The following ROBO2 variants were observed in gnomAD, a reference collection of about 807,000 sequenced individuals.
ROBO2 encodes the protein roundabout homolog 2.
ROBO2 carries 53 observed loss-of-function variants against 160.8 expected under a neutral mutation model. The ratio of observed to expected loss-of-function variants is 0.33; its 90% CI spans 0.26 to 0.41. The LOEUF (loss-of-function observed/expected upper bound fraction) is 0.41. Ranked by LOEUF, ROBO2 falls within the 10% of genes least tolerant of loss-of-function variation. The pLI, the probability that ROBO2 is intolerant of heterozygous loss-of-function variation, is 1.00. For synonymous variants in ROBO2, 664 were observed against 611.7 expected (o/e 1.09, Z -1.26); for missense variants, 1,577 against 1,722.4 (o/e 0.92, Z 1.49).
intron 2 of ROBO2, among the ~76,000 whole-genome samples, chr3:76,472,793 A>G (rs1179117834): frequency 1.3e-5 from 2 of 152,168 alleles, no homozygotes; most frequent in Non-Finnish European, 1.5e-5. Flanking sequence ...TTCAAGCAAA[A>G]TAGAGCTGGG....
chr3:77,209,120 T>C (rs1231182403), intron 2 of ROBO2, among the ~76,000 whole-genome samples: 1 of 152,210 alleles, frequency 6.6e-6, no homozygotes, highest in Non-Finnish European at 1.5e-5. Context: ...TCATCTATTA[T>C]CTATTAAAAA....
chr3:77,482,132 T>C (rs774216986), intron 4 of ROBO2, among the ~76,000 whole-genome samples: 2 of 152,160 alleles, frequency 1.3e-5, no homozygotes, highest in Non-Finnish European at 2.9e-5. Context: ...TGTGTATATA[T>C]ACAATCTTCA....
intron 14 of ROBO2, among the ~76,000 whole-genome samples, chr3:77,576,394 A>G (rs977229325): frequency 6.6e-6 from 1 of 152,160 alleles, no homozygotes; most frequent in Non-Finnish European, 1.5e-5. Flanking sequence ...TAAACCATGT[A>G]GAGCTATGTA....
intron 2 of ROBO2, among the ~76,000 whole-genome samples, chr3:76,591,528 T>C (rs2086417399): frequency 6.6e-6 from 1 of 152,166 alleles, no homozygotes; most frequent in Admixed American, 6.5e-5. Flanking sequence ...ATATTTTTCC[T>C]GTCCAATAAT....
chr3:76,434,497 A>G lies in ROBO2; in HGVS notation c.109+496895A>G, dbSNP rs182819700. ...ATGCTGCCATGTTTTATACAAACCG[A>G]GTCCTCAAAGAGTACAAAGATGTGG... On this transcript the variant is annotated intron_variant, in intron 2 of 26. Transcript: ENST00000487694. 464 of 1,556,432 alleles carry G rather than the reference A, an allele frequency of 3.0e-4. 1 individual carries two copies. In the African/African-American group the frequency reaches 5.5e-3, roughly 18 times the overall value.
chr3:76,522,776 A>G (rs531114324), intron 2 of ROBO2, among the ~76,000 whole-genome samples: 93 of 152,040 alleles, frequency 6.1e-4, no homozygotes, highest in African/African-American at 2.1e-3. Context: ...ATTGATTATC[A>G]ATTGTTTCTC....
chr3:77,217,575 C>T (rs2085152233), intron 2 of ROBO2, among the ~76,000 whole-genome samples: 1 of 152,156 alleles, frequency 6.6e-6, no homozygotes, highest in African/African-American at 2.4e-5. Flanking sequence ...GTCAATAGTT[C>T]TTTATTTTGT....
At chr3:76,335,866 G>A (rs976763801) in intron 2 of ROBO2, among the ~76,000 whole-genome samples, 3 of 152,124 alleles carry the variant, frequency 2.0e-5, no homozygotes, top group Non-Finnish European at 4.4e-5. Context: ...GTGAGCCACC[G>A]CGCCCGGCCT....
At chr3:76,783,528 T>C (rs78938621) in intron 2 of ROBO2, among the ~76,000 whole-genome samples, 1,530 of 150,064 alleles carry the variant, frequency 0.01, 21 homozygotes, top group African/African-American at 0.034. Context: ...TTTTTTTTTT[T>C]CCAGTGCTTT....
rs192062029 is a variant in ROBO2 at position 75,939,935 on chromosome 3, A to T, written c.109+2333A>T. ...CTCTCTATTAAGTTTACAATCTTGC[A>T]TTAAATATTGGTTATTGTGACCCGC... On this transcript the variant is annotated intron_variant, in intron 2 of 26. Coordinates refer to the ROBO2 transcript ENST00000487694. 1.4e-3 allele frequency among the ~76,000 whole-genome samples: 209 copies of T among 152,282 alleles called. 2 individuals are homozygous for T. Among genetic ancestry groups the T allele is most frequent in the South Asian group, 0.013 (65 of 4,834 alleles).
intron 2 of ROBO2, among the ~76,000 whole-genome samples, chr3:77,328,802 T>A (rs2153439531): frequency 6.6e-6 from 1 of 152,316 alleles, no homozygotes; most frequent in East Asian, 1.9e-4. Flanking sequence ...GTTCTTGGTC[T>A]TTGGCATGCC....
chr3:77,617,862 T>A (rs1200964793), intron 22 of ROBO2, 89 bp downstream of exon 23: 2 of 1,369,824 alleles, frequency 1.5e-6, no homozygotes, highest in Non-Finnish European at 2.0e-6. Context: ...CTGATAGAAC[T>A]ACACAGCTAG....
intron 2 of ROBO2, among the ~76,000 whole-genome samples, chr3:76,106,936 A>G (rs1186697035): frequency 6.6e-6 from 1 of 152,156 alleles, no homozygotes; most frequent in Non-Finnish European, 1.5e-5. Context: ...TGAGTGTGGT[A>G]TCTGAAAATC....
chr3:76,255,895 A>C (rs1706326998), intron 2 of ROBO2, among the ~76,000 whole-genome samples: 1 of 150,888 alleles, frequency 6.6e-6, no homozygotes, highest in African/African-American at 2.4e-5. Context: ...GGACACAATT[A>C]AAAAAAAACC....
Position 76,305,542 on chromosome 3 carries a change from C to T in ROBO2, c.109+367940C>T, listed in dbSNP as rs548649027. Among the ~76,000 whole-genome samples, 35 of 151,500 alleles carry T rather than the reference C, an allele frequency of 2.3e-4. No individual in the cohort carries two copies. The South Asian group carries it at 7.1e-3, about 31-fold the overall frequency. On this transcript the variant is annotated intron_variant, in intron 2 of 26. Coordinates refer to the ROBO2 transcript ENST00000487694. ...TTGGGTGGCTGAGGCAGGCGGATCA[C>T]GAGGTCAGGAGTTCAAGACCAGCCT...
chr3:77,004,726 T>C (rs564657774), intron 2 of ROBO2, among the ~76,000 whole-genome samples: 1 of 152,226 alleles, frequency 6.6e-6, no homozygotes, highest in East Asian at 1.9e-4. Flanking sequence ...CTGATATTTG[T>C]TTTCTCAAAT....
intron 2 of ROBO2, among the ~76,000 whole-genome samples, chr3:76,361,690 C>T (rs1216308440): frequency 1.3e-5 from 2 of 152,016 alleles, no homozygotes; most frequent in African/African-American, 4.8e-5. Flanking sequence ...TGTACCTGGT[C>T]TTTTTATTAG....
At chr3:75,921,194 C>T (rs1441150437) in intron 1 of ROBO2, among the ~76,000 whole-genome samples, 1 of 151,990 alleles carries the variant, frequency 6.6e-6, no homozygotes, top group Admixed American at 6.6e-5. Flanking sequence ...ATATTTAGTG[C>T]TTCCTTTAGG....
intron 1 of ROBO2, among the ~76,000 whole-genome samples, chr3:77,089,575 TG>T (rs1206620807): frequency 1.3e-5 from 2 of 152,196 alleles, no homozygotes; most frequent in African/African-American, 4.8e-5. Flanking sequence ...ATTTTGATTT[TG>T]TTTCAAATTT....
Sources: allele counts gnomAD v4.1 joint callset (sites outside exome capture counted in the v4.1 genomes callset), GRCh38; gene constraint gnomAD v4.1.1; transcripts MANE v1.5; gene names NCBI Gene and HGNC (gene_info 2026-07-23, HGNC 2026-07-21).